The following PRR16 variants were observed in gnomAD, a reference collection of about 807,000 sequenced individuals.
PRR16 encodes proline rich 16, also known as protein Largen.
Under a neutral mutation model 18.2 loss-of-function variants are expected in PRR16, and 6 were observed. The observed-to-expected ratio is 0.33, with a 90% CI of 0.18 to 0.65. The LOEUF is 0.65. PRR16 is among the 30% of genes least tolerant of loss of function. The probability of loss-of-function intolerance (pLI) is 0.74; values close to 1 mark genes in which losing one functional copy is unlikely to be tolerated. For missense variants in PRR16, 412 were observed against 376.6 expected, an observed-to-expected ratio of 1.09 and a Z score of -0.78; for synonymous variants, 151 against 147.8, an observed-to-expected ratio of 1.02 and a Z score of -0.16.
chr5:120,584,150 T>C (rs758067460), intron 1 of PRR16, among the ~76,000 whole-genome samples: 1 of 152,196 alleles, frequency 6.6e-6, no homozygotes, highest in Admixed American at 6.5e-5. Flanking sequence ...GGACTAATTA[T>C]ATATTACAGG....
intron 1 of PRR16, among the ~76,000 whole-genome samples, chr5:120,605,806 C>T (rs950051694): frequency 6.6e-6 from 1 of 152,162 alleles, no homozygotes; most frequent in Non-Finnish European, 1.5e-5. Flanking sequence ...TCCTGGGCTG[C>T]ATGCTCTTAC....
At chr5:120,514,768 CAAT>C (rs1044544447) in intron 1 of PRR16, among the ~76,000 whole-genome samples, 4 of 152,186 alleles carry the variant, frequency 2.6e-5, no homozygotes, top group South Asian at 2.1e-4. Flanking sequence ...ATTCTGATCA[CAAT>C]AATTTAAGAA....
chr5:120,556,706 A>G (rs9327149), intron 1 of PRR16, among the ~76,000 whole-genome samples: 31,514 of 151,716 alleles, frequency 0.21, 3,365 homozygotes, highest in Non-Finnish European at 0.21. Flanking sequence ...CAGATAAATT[A>G]TAAAAACCCT....
chr5:120,745,890 GAC>G, the PRR16 span, among the ~76,000 whole-genome samples: 32 of 120,636 alleles, frequency 2.7e-4, no homozygotes, highest in Non-Finnish European at 4.0e-4. Context: ...TTTTAGCAGA[GAC>G]AAGGGTTTCA....
chr5:120,530,281 ATATTTATTTATTTATTTATT>A (rs1280890843), intron 1 of PRR16, among the ~76,000 whole-genome samples: 2 of 92,688 alleles, frequency 2.2e-5, no homozygotes, highest in African/African-American at 8.5e-5. Context: ...ATATATATAT[ATATTTATTTATTTATTTATT>A]TATTTATTTA....
At chr5:120,643,127 T>A (rs1369973472) in intron 1 of PRR16, among the ~76,000 whole-genome samples, 2 of 151,986 alleles carry the variant, frequency 1.3e-5, no homozygotes, top group Admixed American at 6.6e-5. Context: ...TAAATGAGAA[T>A]TCAAATGTAA....
At chr5:120,483,720 G>A (rs1749696896) in intron 1 of PRR16, among the ~76,000 whole-genome samples, 2 of 151,976 alleles carry the variant, frequency 1.3e-5, no homozygotes, top group Non-Finnish European at 2.9e-5. Context: ...TATTGTGCTT[G>A]TCAGTAAAAT....
the PRR16 span, among the ~76,000 whole-genome samples, chr5:120,699,650 T>C: frequency 6.6e-6 from 1 of 152,044 alleles, no homozygotes; most frequent in Non-Finnish European, 1.5e-5. Context: ...AGGGCCTCTA[T>C]AAGTATTAAA....
intron 1 of PRR16, among the ~76,000 whole-genome samples, chr5:120,645,866 C>T (rs924153836): frequency 1.3e-5 from 2 of 151,724 alleles, no homozygotes; most frequent in Non-Finnish European, 2.9e-5. Context: ...ACCATGTAAT[C>T]TTGTGGATAT....
At chr5:120,575,042 T>C (rs1480037521) in intron 1 of PRR16, among the ~76,000 whole-genome samples, 1 of 137,700 alleles carries the variant, frequency 7.3e-6, no homozygotes, top group Non-Finnish European at 1.5e-5. Flanking sequence ...TAACTTTTAT[T>C]ATAGTGTTGT....
intron 1 of PRR16, among the ~76,000 whole-genome samples, chr5:120,479,635 G>A (rs1044514752): frequency 1.3e-5 from 2 of 151,802 alleles, no homozygotes. Context: ...ATATACTATT[G>A]GCATTTAATA....
chr5:120,653,516 A>G (rs1462948741), intron 1 of PRR16, among the ~76,000 whole-genome samples: 5 of 151,992 alleles, frequency 3.3e-5, no homozygotes, highest in Non-Finnish European at 7.4e-5. Context: ...AAATCACAAT[A>G]CACATCCTTA....
intron 1 of PRR16, among the ~76,000 whole-genome samples, chr5:120,616,314 A>G (rs1055130208): frequency 2.0e-5 from 3 of 152,178 alleles, no homozygotes; most frequent in Non-Finnish European, 4.4e-5. Context: ...TCCGGCGGCA[A>G]CAATCTTGCA....
intron 1 of PRR16, among the ~76,000 whole-genome samples, chr5:120,476,303 G>C (rs934641277): frequency 6.6e-6 from 1 of 152,084 alleles, no homozygotes; most frequent in Non-Finnish European, 1.5e-5. Context: ...CTTTCCTTCA[G>C]TGAGTAACAC....
intron 1 of PRR16, among the ~76,000 whole-genome samples, chr5:120,517,389 A>G (rs1442271259): frequency 1.3e-5 from 2 of 152,050 alleles, no homozygotes; most frequent in Non-Finnish European, 2.9e-5. Context: ...ACCCCTACCC[A>G]TTCCCACAAA....
the PRR16 span, among the ~76,000 whole-genome samples, chr5:120,701,226 T>G: frequency 6.6e-6 from 1 of 152,110 alleles, no homozygotes; most frequent in South Asian, 2.1e-4. Context: ...TAAATCCTGT[T>G]GTGGGGTTTG....
chr5:120,663,506 G>A (rs554756712), intron 1 of PRR16, among the ~76,000 whole-genome samples: 76 of 152,192 alleles, frequency 5.0e-4, no homozygotes, highest in African/African-American at 1.6e-3. Context: ...TGTGCACACC[G>A]TCTACTTTAA....
chr5:120,708,121 T>C, the PRR16 span, among the ~76,000 whole-genome samples: 1 of 152,256 alleles, frequency 6.6e-6, no homozygotes, highest in African/African-American at 2.4e-5. Flanking sequence ...TTTGTCAGTA[T>C]TTCTGATGAC....
intron 1 of PRR16, among the ~76,000 whole-genome samples, chr5:120,570,470 G>T (rs1752871885): frequency 6.6e-6 from 1 of 152,090 alleles, no homozygotes; most frequent in African/African-American, 2.4e-5. Flanking sequence ...AAGCTTAAAT[G>T]GTTTTCAGGG....
Sources: allele counts gnomAD v4.1 joint callset (sites outside exome capture counted in the v4.1 genomes callset), GRCh38; gene constraint gnomAD v4.1.1; transcripts MANE v1.5; gene names NCBI Gene and HGNC (gene_info 2026-07-23, HGNC 2026-07-21).